Variants in NTM observed in about 807,000 individuals in gnomAD.
The protein encoded by NTM is IgLON family member 2.
Under a neutral mutation model 42.1 loss-of-function variants are expected in NTM, and 13 were observed. The observed-to-expected ratio is 0.31, with a 90% CI of 0.20 to 0.49. NTM has a LOEUF of 0.49. Among genes scored for constraint, NTM ranks in the 20% least tolerant of loss-of-function variants. The pLI, the probability that NTM is intolerant of heterozygous loss-of-function variation, is 0.99. For missense variants in NTM, 373 were observed against 452.8 expected (o/e 0.82, Z 1.60); for synonymous variants, 187 against 179.2 (o/e 1.04, Z -0.35).
intron 1 of NTM, among the ~76,000 whole-genome samples, chr11:131,438,886 C>T (rs1423959325): frequency 6.6e-6 from 1 of 152,192 alleles, no homozygotes; most frequent in Non-Finnish European, 1.5e-5. Context: ...GAATTTTTAG[C>T]TTTTCTGCTC....
chr11:131,874,681 C>T lies in NTM; in HGVS notation c.83-36883C>T, dbSNP rs148327336. Among the ~76,000 whole-genome samples, 6 of 152,278 alleles carry T rather than the reference C, an allele frequency of 3.9e-5. No individual in the cohort carries two copies. The East Asian group carries it at 9.6e-4, about 24-fold the overall frequency. On this transcript the variant is annotated intron_variant, in intron 1 of 8. Transcript: ENST00000683400. ...AGATCTATCTCTATTCCTTCTAAAA[C>T]TGCCTAAATTGTTCTCTAAACTAGT...
At chr11:131,885,226 G>T (rs984358988) in intron 1 of NTM, among the ~76,000 whole-genome samples, 4 of 152,278 alleles carry the variant, frequency 2.6e-5, no homozygotes, top group African/African-American at 9.6e-5. Context: ...CCAGGCACTG[G>T]GTATACAACA....
intron 2 of NTM, among the ~76,000 whole-genome samples, chr11:132,126,512 C>A (rs543692559): frequency 3.9e-5 from 6 of 152,192 alleles, no homozygotes; most frequent in African/African-American, 1.2e-4. Context: ...TGGCAGTGTG[C>A]GGGGACTTCG....
intron 4 of NTM, among the ~76,000 whole-genome samples, chr11:132,227,059 G>A (rs537689744): frequency 1.3e-5 from 2 of 152,330 alleles, no homozygotes; most frequent in East Asian, 3.9e-4. Flanking sequence ...AACCATACAG[G>A]TGGTGTTTAG....
chr11:132,321,491 A>G (rs972787753), intron 7 of NTM, among the ~76,000 whole-genome samples: 3 of 152,244 alleles, frequency 2.0e-5, no homozygotes, highest in East Asian at 1.9e-4. Context: ...AAGAATAAAA[A>G]GAAACCAGCA....
At chr11:132,052,665 G>C (rs1486635594) in intron 2 of NTM, among the ~76,000 whole-genome samples, 2 of 152,090 alleles carry the variant, frequency 1.3e-5, no homozygotes, top group African/African-American at 4.8e-5. Context: ...GTATTTGAAG[G>C]GAATGTTATT....
At chr11:131,773,670 C>G (rs544335598) in intron 1 of NTM, among the ~76,000 whole-genome samples, 1 of 152,166 alleles carries the variant, frequency 6.6e-6, no homozygotes, top group East Asian at 1.9e-4. Flanking sequence ...TTAACATTTT[C>G]TTTTCTTCCT....
intron 3 of NTM, among the ~76,000 whole-genome samples, chr11:132,157,166 A>G (rs1480212452): frequency 1.3e-5 from 2 of 152,226 alleles, no homozygotes; most frequent in Non-Finnish European, 2.9e-5. Flanking sequence ...GCCACTAAAT[A>G]TATGGAAATG....
intron 1 of NTM, among the ~76,000 whole-genome samples, chr11:131,437,977 G>A (rs1044363823): frequency 2.0e-5 from 3 of 152,150 alleles, no homozygotes; most frequent in Non-Finnish European, 4.4e-5. Flanking sequence ...GGCAGGCCTG[G>A]TGGTGAGAAA....
chr11:132,010,525 C>T (rs2071909141), intron 2 of NTM, among the ~76,000 whole-genome samples: 1 of 152,024 alleles, frequency 6.6e-6, no homozygotes, highest in Admixed American at 6.6e-5. Flanking sequence ...CTCTCCTCTC[C>T]TTGAGCAAAC....
intron 1 of NTM, among the ~76,000 whole-genome samples, chr11:131,504,745 T>G (rs1214449627): frequency 6.6e-6 from 1 of 152,120 alleles, no homozygotes; most frequent in Non-Finnish European, 1.5e-5. Flanking sequence ...CCAGACTCCC[T>G]GGATCTCTGT....
chr11:131,668,827 C>A (rs1248824409), intron 1 of NTM, among the ~76,000 whole-genome samples: 4 of 152,124 alleles, frequency 2.6e-5, no homozygotes, highest in Non-Finnish European at 5.9e-5. Context: ...AATTATAAAG[C>A]CAGGGTGGAA....
At chr11:132,176,918 G>A in intron 3 of NTM, among the ~76,000 whole-genome samples, 1 of 151,686 alleles carries the variant, frequency 6.6e-6, no homozygotes, top group Admixed American at 6.6e-5. Context: ...TAATAGAGAT[G>A]GGGTTTCACC....
chr11:132,108,633 C>A (rs1055901087), intron 2 of NTM, among the ~76,000 whole-genome samples: 4 of 151,860 alleles, frequency 2.6e-5, no homozygotes, highest in Non-Finnish European at 5.9e-5. Context: ...CACTAAAGAA[C>A]GTATCCATGA....
At chr11:132,328,221 C>T (rs551659412) in intron 7 of NTM, among the ~76,000 whole-genome samples, 10 of 152,074 alleles carry the variant, frequency 6.6e-5, no homozygotes, top group South Asian at 4.1e-4. Context: ...AGAGTATATA[C>T]GAAAATATCC....
intron 1 of NTM, among the ~76,000 whole-genome samples, chr11:131,571,055 T>C (rs549820028): frequency 9.2e-5 from 14 of 152,248 alleles, no homozygotes; most frequent in Non-Finnish European, 1.0e-4. Context: ...ATCCCAGTTC[T>C]GCTGTGCGGC....
At chr11:131,440,480 C>T (rs138292901) in intron 1 of NTM, among the ~76,000 whole-genome samples, 11 of 152,174 alleles carry the variant, frequency 7.2e-5, no homozygotes, top group Admixed American at 6.5e-4. Context: ...TGCTTTATTA[C>T]CAAGTGGTTC....
chr11:132,064,473 A>G (rs1354475400), intron 2 of NTM, among the ~76,000 whole-genome samples: 2 of 152,218 alleles, frequency 1.3e-5, no homozygotes, highest in Admixed American at 6.5e-5. Flanking sequence ...TCATTATCCA[A>G]AAGGTACAAG....
chr11:131,607,827 G>A (rs1327895440), intron 1 of NTM, among the ~76,000 whole-genome samples: 1 of 151,826 alleles, frequency 6.6e-6, no homozygotes, highest in East Asian at 1.9e-4. Context: ...ATTCTATTTT[G>A]TTTTCTGTAT....
Sources: gnomAD v4.1 joint callset for allele counts (sites outside exome capture counted in the v4.1 genomes callset) on GRCh38, gnomAD v4.1.1 for gene constraint, MANE v1.5 for transcripts, NCBI Gene and HGNC (gene_info 2026-07-23, HGNC 2026-07-21) for gene names.